Variants in MAP4 observed in about 807,000 individuals in gnomAD.
The protein encoded by MAP4 is microtubule-associated protein 4.
MAP4 carries 76 observed loss-of-function variants against 170.2 expected under a neutral mutation model. The ratio of observed to expected loss-of-function variants is 0.45; its 90% CI spans 0.37 to 0.54. The LOEUF (loss-of-function observed/expected upper bound fraction) is 0.54, where lower values mean the gene tolerates loss of function less well. Ranked by LOEUF, MAP4 falls within the 20% of genes least tolerant of loss-of-function variation. The probability of loss-of-function intolerance (pLI) is 0.00; values close to 1 mark genes in which losing one functional copy is unlikely to be tolerated. For missense variants in MAP4, 2,506 were observed against 2,748.0 expected, an observed-to-expected ratio of 0.91 and a Z score of 1.97; for synonymous variants, 909 against 994.5, an observed-to-expected ratio of 0.91 and a Z score of 1.62.
chr3:47,884,948 C>T (rs1264835896), intron 10 of MAP4, among the ~76,000 whole-genome samples: 1 of 152,072 alleles, frequency 6.6e-6, no homozygotes, highest in Non-Finnish European at 1.5e-5. Context: ...GCGGACCAGG[C>T]CTATAGCTTC....
intron 2 of MAP4, among the ~76,000 whole-genome samples, chr3:47,991,143 CA>C (rs2100091923): frequency 6.6e-6 from 1 of 152,186 alleles, no homozygotes; most frequent in African/African-American, 2.4e-5. Flanking sequence ...GAGAAAAAAG[CA>C]ATTTTCCTAC....
intron 5 of MAP4, among the ~76,000 whole-genome samples, chr3:47,919,592 G>A (rs1447579749): frequency 1.3e-5 from 2 of 150,948 alleles, no homozygotes; most frequent in South Asian, 2.1e-4. Flanking sequence ...ACAGGTGTGA[G>A]ACACCGCGCC....
In MAP4 at chr3:47,877,494, C is replaced by T. The variant is rs1576941779; in HGVS notation, c.5464G>A (p.Val1822Met). Residue 1822 changes from valine to methionine, a missense_variant, in exon 11 of 21, where the codon GTG (valine) becomes ATG (methionine). Around this residue, in one of 3 missense-constraint regions of MAP4, gnomAD observed 2,008 missense variants for 2,206.0 expected, o/e 0.91. Coordinates refer to ENST00000683076, the MANE Select transcript of MAP4 (RefSeq NM_001385682.1). ...GIARPEEGRP[V>M]VSGTGNDITT... ...ATGTCATTTCCTGTCCCACTCACCA[C>T]AGGCCTTCCTTCTTCTGGCCTGGCT... The T allele has an allele frequency of 1.2e-6, 2 of 1,613,970 alleles. No homozygotes were observed. The highest frequency in any genetic ancestry group is 4.5e-5 in the East Asian group (2 of 44,876).
rs71070239 is a variant in MAP4 at position 47,885,367 on chromosome 3, C to CATCAATCA, written c.5435-7852_5435-7845dup. Among the ~76,000 whole-genome samples the CATCAATCA allele has an allele frequency of 6.9e-3, 1,033 of 150,440 alleles. 7 individuals are homozygous for CATCAATCA. Among genetic ancestry groups the CATCAATCA allele is most frequent in the South Asian group, 0.035 (166 of 4,704 alleles). On this transcript the variant is annotated intron_variant, in intron 10 of 20. Transcript: ENST00000683076. Reference sequence around the variant, plus strand: ...CAACATAGCAAGATCCCATCTCTACCATCAATCAATCAATCAATCAATCAA... The same window carrying CATCAATCA: ...CAACATAGCAAGATCCCATCTCTACCATCAATCAATCAATCAATCAATCAATCAATCAA...
At chr3:48,073,621 A>G (rs982364447) in intron 1 of MAP4, among the ~76,000 whole-genome samples, 3 of 152,072 alleles carry the variant, frequency 2.0e-5, no homozygotes, top group Admixed American at 6.6e-5. Context: ...CAAAAAAAAA[A>G]AAGAAGAAAA....
At position 47,909,463 on chromosome 3, in the gene MAP4, T is replaced by G; in HGVS notation, c.4958A>C (p.Asn1653Thr). 1 of 1,613,938 alleles carries G rather than the reference T, an allele frequency of 6.2e-7. No individual in the cohort carries two copies. The highest frequency in any genetic ancestry group is 8.5e-7 in the Non-Finnish European group (1 of 1,179,858). The change falls in exon 9 of 21, where the codon AAT becomes ACT. Residue 1653 changes from asparagine (N) to threonine (T), a missense_variant. By Grantham distance (65) the Asn-to-Thr change is moderately conservative. Coordinates refer to ENST00000683076, the MANE Select transcript of MAP4 (RefSeq NM_001385682.1). ...CAAAAGAGTCAGATCTACCTTCTTA[T>G]TCAAACTATCTGAACCTTTGGAATT... ...DRNSKGSDSL[N>T]KKVDLTLLSP... is the part of the protein sequence containing the mutation.
At chr3:48,071,937 G>A (rs1308266541) in intron 1 of MAP4, among the ~76,000 whole-genome samples, 1 of 151,702 alleles carries the variant, frequency 6.6e-6, no homozygotes, top group Non-Finnish European at 1.5e-5. Flanking sequence ...ATAAATTAAT[G>A]AGGCCAGGAG....
intron 1 of MAP4, among the ~76,000 whole-genome samples, chr3:48,047,931 T>A (rs1465211564): frequency 6.6e-6 from 1 of 152,164 alleles, no homozygotes; most frequent in African/African-American, 2.4e-5. Flanking sequence ...CTCTATCACT[T>A]AAAAAATAAA....
intron 3 of MAP4, chr3:47,973,803 ATCAAC>A: frequency 1.0e-6 from 1 of 985,350 alleles, no homozygotes; most frequent in South Asian, 4.7e-5. Context: ...AAACCCCAAA[ATCAAC>A]TTAATAAATA....
intron 1 of MAP4, among the ~76,000 whole-genome samples, chr3:48,023,634 G>T (rs528346398): frequency 6.6e-6 from 1 of 152,318 alleles, no homozygotes; most frequent in South Asian, 2.1e-4. Context: ...TTTCCCTTCT[G>T]CTAGCAGGCT....
chr3:47,939,707 T>C (rs1671347347), intron 3 of MAP4, among the ~76,000 whole-genome samples: 1 of 129,104 alleles, frequency 7.7e-6, no homozygotes, highest in Non-Finnish European at 1.6e-5. Flanking sequence ...TGTAAAGAAA[T>C]AGTTTTTTTT....
intron 1 of MAP4, among the ~76,000 whole-genome samples, chr3:48,079,863 T>C (rs2100145722): frequency 6.6e-6 from 1 of 151,036 alleles, no homozygotes; most frequent in African/African-American, 2.4e-5. Flanking sequence ...GGCAGGAGCA[T>C]GGCGTGAACC....
In MAP4 at chr3:47,917,152, C is replaced by T; in HGVS notation, c.675G>A (p.Glu225=). ...GCCTCTCTTCTGATGCCATTTCTAT[C>T]TCCTTGGCTAGCTCTAAGGGAACTA... is the stretch of plus-strand genomic sequence containing the variant. ...PTAVPLELAK[E]IEMASEERPP... The change falls in exon 7 of 21, where the codon GAG becomes GAA. Residue 225 remains glutamate (E), a synonymous_variant. Coordinates refer to ENST00000683076, the MANE Select transcript of MAP4 (RefSeq NM_001385682.1). The T allele has an allele frequency of 6.2e-7, 1 of 1,613,922 alleles. No individual in the cohort carries two copies. Among genetic ancestry groups the T allele is most frequent in the Non-Finnish European group, 8.5e-7 (1 of 1,179,850 alleles).
chr3:48,001,447 C>T (rs2100099096), intron 1 of MAP4, among the ~76,000 whole-genome samples: 1 of 152,116 alleles, frequency 6.6e-6, no homozygotes, highest in Admixed American at 6.5e-5. Context: ...AAATAACAAC[C>T]TTAATTCCTC....
At chr3:48,085,731 G>A (rs1457225974) in intron 1 of MAP4, among the ~76,000 whole-genome samples, 2 of 152,142 alleles carry the variant, frequency 1.3e-5, no homozygotes, top group Non-Finnish European at 2.9e-5. Flanking sequence ...AGACCAGCCT[G>A]GCCAACATGG....
intron 3 of MAP4, among the ~76,000 whole-genome samples, chr3:47,952,647 AAT>A (rs2100065143): frequency 6.6e-6 from 1 of 151,598 alleles, no homozygotes; most frequent in African/African-American, 2.4e-5. Flanking sequence ...GGAAAAAATA[AAT>A]AAATAAATTA....
At chr3:48,087,949 A>G (rs1303571075) in intron 1 of MAP4, among the ~76,000 whole-genome samples, 1 of 152,140 alleles carries the variant, frequency 6.6e-6, no homozygotes, top group East Asian at 1.9e-4. Flanking sequence ...CTTGGGTCCT[A>G]AAGCACAAAC....
chr3:47,940,039 T>C (rs1326975313), intron 3 of MAP4, among the ~76,000 whole-genome samples: 1 of 152,128 alleles, frequency 6.6e-6, no homozygotes, highest in African/African-American at 2.4e-5. Context: ...GGTTTCACCA[T>C]GTTGGTCAGG....
At chr3:48,056,692 C>T (rs1458256130) in intron 1 of MAP4, among the ~76,000 whole-genome samples, 3 of 112,862 alleles carry the variant, frequency 2.7e-5, no homozygotes, top group Non-Finnish European at 5.4e-5. Context: ...GCCCGGCCAG[C>T]CGCCCCGTCT....
Sources: allele counts gnomAD v4.1 joint callset (sites outside exome capture counted in the v4.1 genomes callset), GRCh38; gene constraint gnomAD v4.1.1; regional missense constraint gnomAD v4.1.1; transcripts MANE v1.5; gene names NCBI Gene and HGNC (gene_info 2026-07-23, HGNC 2026-07-21).